FRMD6: variants seen among roughly 807,000 people sequenced by gnomAD.
FRMD6 encodes the protein FERM domain containing 6.
In FRMD6, 37 loss-of-function variants were observed where a neutral mutation model predicts 73.2. That is an observed-to-expected ratio of 0.51 (90% CI 0.39 to 0.66). FRMD6 has a LOEUF of 0.66. Among genes scored for constraint, FRMD6 ranks in the 30% least tolerant of loss-of-function variants. The pLI, the probability that FRMD6 is intolerant of heterozygous loss-of-function variation, is 0.00. For synonymous variants in FRMD6, 273 were observed against 282.2 expected (o/e 0.97, Z 0.33); for missense variants, 714 against 780.5 (o/e 0.91, Z 1.02).
chr14:51,715,162 A>G, intron 9 of FRMD6, 163 bp from the exon 10 acceptor site: 1 of 580,454 alleles, frequency 1.7e-6, no homozygotes, highest in Non-Finnish European at 2.8e-6. Flanking sequence ...CTGTCCTGTG[A>G]CATTTTTGAA....
rs546769705 is a variant in FRMD6, at chr14:51,730,238, T to G, written c.*2209T>G. On this transcript the variant is annotated 3_prime_UTR_variant, in exon 14 of 14. Coordinates refer to ENST00000344768, the MANE Select transcript of FRMD6 (RefSeq NM_001267046.2). ...TTCAACCAAAATCAGATCTTTGAGG[T>G]TTTGCTGACATTGTTGGTGGTTTTG... The G allele has an allele frequency of 6.6e-6, 1 of 152,336 alleles. No individual in the cohort carries two copies. Among genetic ancestry groups the G allele is most frequent in the African/African-American group, 2.4e-5 (1 of 41,578 alleles). 9.4% of individuals were successfully genotyped at this position (152,336 alleles called of 1,614,324 possible).
chr14:51,689,779 C>T lies in FRMD6; in HGVS notation c.-58C>T. ...AGCTTGGCTTTGGAGTGCTGGGAAC[C>T]TGAGGAATTGCCAAGGACCCAGAGC... On this transcript the variant is annotated 5_prime_UTR_variant, in exon 2 of 14. Coordinates refer to ENST00000344768, the MANE Select transcript of FRMD6 (RefSeq NM_001267046.2). 1.0e-6 allele frequency: 1 copy of T among 990,612 alleles called. No homozygotes were observed. Among genetic ancestry groups the T allele is most frequent in the Non-Finnish European group, 1.6e-6 (1 of 612,416 alleles). 61.4% of individuals were successfully genotyped at this position (990,612 alleles called of 1,614,324 possible).
chr14:51,656,884 T>G (rs1892872437), intron 1 of FRMD6, among the ~76,000 whole-genome samples: 1 of 152,310 alleles, frequency 6.6e-6, no homozygotes, highest in East Asian at 1.9e-4. Context: ...CTCTCAGTAT[T>G]CCAAATGGAT....
the FRMD6 span, among the ~76,000 whole-genome samples, chr14:51,435,737 G>T: frequency 1.3e-5 from 2 of 152,122 alleles, no homozygotes; most frequent in African/African-American, 4.8e-5. Context: ...CTATAGCACT[G>T]TGGGGTGATG....
chr14:51,685,862 A>T (rs1386126366), intron 1 of FRMD6, among the ~76,000 whole-genome samples: 2 of 152,330 alleles, frequency 1.3e-5, no homozygotes, highest in Admixed American at 1.3e-4. Context: ...ATATTACCGT[A>T]CTGTGTGTGT....
At chr14:51,501,004 G>A (rs1376665395) in intron 1 of FRMD6, among the ~76,000 whole-genome samples, 2 of 152,184 alleles carry the variant, frequency 1.3e-5, no homozygotes, top group Non-Finnish European at 2.9e-5. Flanking sequence ...GGGTGGATTG[G>A]CATTAAGAAA....
At chr14:51,673,532 T>C (rs1006068891) in intron 1 of FRMD6, among the ~76,000 whole-genome samples, 2 of 152,332 alleles carry the variant, frequency 1.3e-5, no homozygotes. Context: ...TAGGCTCACC[T>C]AGTTTGTTTT....
intron 2 of FRMD6, among the ~76,000 whole-genome samples, chr14:51,620,377 A>C (rs1426752876): frequency 6.6e-6 from 1 of 152,182 alleles, no homozygotes; most frequent in Non-Finnish European, 1.5e-5. Context: ...AGATTCCGCA[A>C]AACCACAAGG....
At chr14:51,494,984 C>T (rs1186327576) in intron 1 of FRMD6, among the ~76,000 whole-genome samples, 2 of 152,140 alleles carry the variant, frequency 1.3e-5, no homozygotes. Context: ...GCTCTGCTTC[C>T]ATCTGGATTA....
chr14:51,482,174 G>T, the FRMD6 span, among the ~76,000 whole-genome samples: 1 of 152,170 alleles, frequency 6.6e-6, no homozygotes, highest in African/African-American at 2.4e-5. Context: ...GCCTCCAATA[G>T]AATTATCTGG....
chr14:51,712,362 G>A, intron 8 of FRMD6, 121 bp from the exon 9 acceptor site: 1 of 660,844 alleles, frequency 1.5e-6, no homozygotes. Flanking sequence ...TCTCCAAAGA[G>A]ATGTGGGGGC....
At chr14:51,508,524 G>A (rs547717418) in intron 1 of FRMD6, among the ~76,000 whole-genome samples, 38 of 152,312 alleles carry the variant, frequency 2.5e-4, no homozygotes, top group African/African-American at 8.4e-4. Flanking sequence ...AGAGCAAGAC[G>A]TGAACAGGTG....
intron 2 of FRMD6, among the ~76,000 whole-genome samples, chr14:51,642,303 G>A (rs529056562): frequency 6.6e-6 from 1 of 152,300 alleles, no homozygotes; most frequent in African/African-American, 2.4e-5. Flanking sequence ...ACTTTGGGAG[G>A]CCAAGGTGGG....
At chr14:51,539,734 T>C (rs186970806) in intron 1 of FRMD6, among the ~76,000 whole-genome samples, 30 of 152,260 alleles carry the variant, frequency 2.0e-4, no homozygotes, top group African/African-American at 4.8e-4. Context: ...GTTTCTTGCC[T>C]TGTGGTGGGA....
chr14:51,585,841 A>C (rs1696856881), intron 2 of FRMD6, among the ~76,000 whole-genome samples: 1 of 150,418 alleles, frequency 6.6e-6, no homozygotes, highest in African/African-American at 2.4e-5. Context: ...CATTTCACTT[A>C]GGATAATGGC....
At chr14:51,561,314 A>G (rs1887466608) in intron 1 of FRMD6, among the ~76,000 whole-genome samples, 1 of 152,170 alleles carries the variant, frequency 6.6e-6, no homozygotes, top group African/African-American at 2.4e-5. Flanking sequence ...TGTAACAAAG[A>G]AGGCATTTTT....
the FRMD6 span, among the ~76,000 whole-genome samples, chr14:51,418,680 CTG>C: frequency 1.3e-5 from 2 of 152,254 alleles, no homozygotes; most frequent in African/African-American, 4.8e-5. Flanking sequence ...AGCTCAAACA[CTG>C]TGCTGGGAGA....
chr14:51,536,308 T>A (rs1885888832), intron 1 of FRMD6, among the ~76,000 whole-genome samples: 2 of 151,966 alleles, frequency 1.3e-5, no homozygotes, highest in Non-Finnish European at 2.9e-5. Flanking sequence ...TCCTGGCTAA[T>A]CTTGAACTCC....
At chr14:51,550,587 C>CCCA (rs1491079768) in intron 1 of FRMD6, among the ~76,000 whole-genome samples, 1,615 of 147,822 alleles carry the variant, frequency 0.011, 30 homozygotes, top group African/African-American at 0.038. Flanking sequence ...GAGACCCCCC[C>CCCA]GCCATGCTTA....
Sources: allele counts gnomAD v4.1 joint callset (sites outside exome capture counted in the v4.1 genomes callset), GRCh38; gene constraint gnomAD v4.1.1; transcripts MANE v1.5; gene names NCBI Gene and HGNC (gene_info 2026-07-23, HGNC 2026-07-21).